The following PARD3 variants were observed in gnomAD, a reference collection of about 807,000 sequenced individuals.
PARD3 encodes partitioning defective 3 homolog.
In PARD3, 75 loss-of-function variants were observed where a neutral mutation model predicts 155.4. The observed-to-expected ratio is 0.48, with a 90% CI of 0.40 to 0.58. The LOEUF is 0.58. Ranked by LOEUF, PARD3 falls within the 20% of genes least tolerant of loss-of-function variation. The probability of loss-of-function intolerance (pLI) is 0.00; values close to 1 mark genes in which losing one functional copy is unlikely to be tolerated. For missense variants in PARD3, 1,642 were observed against 1,721.7 expected (o/e 0.95, Z 0.82); for synonymous variants, 576 against 610.5 (o/e 0.94, Z 0.83).
At chr10:34,470,675 T>A (rs947477583) in intron 3 of PARD3, among the ~76,000 whole-genome samples, 1 of 152,068 alleles carries the variant, frequency 6.6e-6, no homozygotes, top group African/African-American at 2.4e-5. Context: ...CAGTAGAGAG[T>A]AATATAATAA....
At chr10:34,289,204 T>C (rs545938475) in intron 20 of PARD3, among the ~76,000 whole-genome samples, 1 of 152,080 alleles carries the variant, frequency 6.6e-6, no homozygotes, top group East Asian at 1.9e-4. Flanking sequence ...GGGGAGGGTG[T>C]TGGGGGACAT....
At chr10:34,161,659 A>G (rs1407633137) in intron 22 of PARD3, among the ~76,000 whole-genome samples, 1 of 152,218 alleles carries the variant, frequency 6.6e-6, no homozygotes, top group Non-Finnish European at 1.5e-5. Flanking sequence ...ATAGCTGGAA[A>G]AAAACATAAA....
At chr10:34,471,505 A>C (rs1272076230) in intron 3 of PARD3, among the ~76,000 whole-genome samples, 2 of 152,224 alleles carry the variant, frequency 1.3e-5, no homozygotes, top group African/African-American at 4.8e-5. Context: ...TCTGTTTTTA[A>C]AAACTAGGAT....
chr10:34,304,082 G>A (rs915726563), intron 20 of PARD3, among the ~76,000 whole-genome samples: 1 of 152,144 alleles, frequency 6.6e-6, no homozygotes, highest in Non-Finnish European at 1.5e-5. Flanking sequence ...AATCGTCCTC[G>A]TTTGTGTTCT....
At chr10:34,289,812 C>T (rs902653439) in intron 20 of PARD3, among the ~76,000 whole-genome samples, 2 of 152,186 alleles carry the variant, frequency 1.3e-5, no homozygotes, top group Non-Finnish European at 1.5e-5. Flanking sequence ...TAATGCGTTA[C>T]AAATGAGATC....
chr10:34,474,460 T>C (rs7924001), intron 3 of PARD3, among the ~76,000 whole-genome samples: 8,578 of 152,306 alleles, frequency 0.056, 816 homozygotes, highest in African/African-American at 0.2. Flanking sequence ...GGATTTATGA[T>C]TGCATGAAAA....
intron 14 of PARD3, among the ~76,000 whole-genome samples, chr10:34,350,633 C>CGGGGGGGGGG (rs113142401): frequency 2.5e-5 from 1 of 40,694 alleles, no homozygotes; most frequent in African/African-American, 5.3e-5. Context: ...TCCATCTTGG[C>CGGGGGGGGGG]GGGGGGGGAG....
intron 22 of PARD3, among the ~76,000 whole-genome samples, chr10:34,171,186 A>G (rs1332734154): frequency 1.3e-5 from 2 of 152,216 alleles, no homozygotes; most frequent in Non-Finnish European, 1.5e-5. Flanking sequence ...TAATTTGACA[A>G]GCTAAAACTC....
At chr10:34,436,062 T>G (rs921824474) in intron 5 of PARD3, among the ~76,000 whole-genome samples, 3 of 152,128 alleles carry the variant, frequency 2.0e-5, no homozygotes, top group Non-Finnish European at 2.9e-5. Flanking sequence ...AAAATATGAA[T>G]CAAATACGAA....
At chr10:34,542,234 T>TGTGTGTGTGTGTGC (rs143582528) in intron 2 of PARD3, among the ~76,000 whole-genome samples, 1 of 146,198 alleles carries the variant, frequency 6.8e-6, no homozygotes, top group Non-Finnish European at 1.5e-5. Context: ...TGTGTGTGTG[T>TGTGTGTGTGTGTGC]GTGTGCACAC....
At chr10:34,256,125 G>C (rs969709627) in intron 22 of PARD3, among the ~76,000 whole-genome samples, 3 of 152,164 alleles carry the variant, frequency 2.0e-5, no homozygotes, top group African/African-American at 7.2e-5. Flanking sequence ...TTTAAAGTTC[G>C]GAATATCATA....
At chr10:34,146,902 C>A (rs920332119) in intron 22 of PARD3, among the ~76,000 whole-genome samples, 3 of 152,112 alleles carry the variant, frequency 2.0e-5, no homozygotes, top group Admixed American at 1.3e-4. Flanking sequence ...CTAAGGCGTG[C>A]AAATCGATAC....
At chr10:34,788,968 A>T (rs1471723494) in intron 1 of PARD3, among the ~76,000 whole-genome samples, 1 of 152,228 alleles carries the variant, frequency 6.6e-6, no homozygotes, top group East Asian at 1.9e-4. Flanking sequence ...AATGTTCATA[A>T]TTTCCTATCC....
chr10:34,674,041 T>C (rs1348649371), intron 2 of PARD3, among the ~76,000 whole-genome samples: 2 of 151,448 alleles, frequency 1.3e-5, no homozygotes, highest in Non-Finnish European at 2.9e-5. Flanking sequence ...TTGTTACATA[T>C]TCTTAGCAAG....
chr10:34,602,426 T>C (rs891785327), intron 2 of PARD3, among the ~76,000 whole-genome samples: 1 of 152,222 alleles, frequency 6.6e-6, no homozygotes, highest in Non-Finnish European at 1.5e-5. Flanking sequence ...AATACAAAAT[T>C]TGTTGTATAC....
intron 5 of PARD3, among the ~76,000 whole-genome samples, chr10:34,422,000 T>C (rs545736890): frequency 1.3e-5 from 2 of 151,900 alleles, no homozygotes; most frequent in Non-Finnish European, 2.9e-5. Context: ...CAAGAAGATA[T>C]CTGGGTAAAG....
chr10:34,371,809 T>C (rs932159260), intron 12 of PARD3, among the ~76,000 whole-genome samples: 1 of 152,092 alleles, frequency 6.6e-6, no homozygotes, highest in Non-Finnish European at 1.5e-5. Context: ...ATTTCTACCA[T>C]GTCAATATAA....
At chr10:34,114,084 C>T (rs528081701) in intron 24 of PARD3, among the ~76,000 whole-genome samples, 11 of 151,802 alleles carry the variant, frequency 7.2e-5, no homozygotes, top group South Asian at 4.2e-4. Context: ...TAGTGAGACC[C>T]CATCTCTACA....
chr10:34,419,122 A>C (rs1845949724), intron 5 of PARD3, among the ~76,000 whole-genome samples: 1 of 152,172 alleles, frequency 6.6e-6, no homozygotes, highest in Non-Finnish European at 1.5e-5. Context: ...AAATTTAAAA[A>C]ACAGAATAAC....
Sources: gnomAD v4.1 joint callset for allele counts (sites outside exome capture counted in the v4.1 genomes callset) on GRCh38, gnomAD v4.1.1 for gene constraint, MANE v1.5 for transcripts, NCBI Gene and HGNC (gene_info 2026-07-23, HGNC 2026-07-21) for gene names.